Variants in GPR174 observed in about 807,000 individuals in gnomAD.
The protein encoded by GPR174 is G protein-coupled receptor 174.
A neutral mutation model predicts 16.5 loss-of-function variants in GPR174; 8 were observed. The observed-to-expected ratio is 0.48, with a 90% CI of 0.28 to 0.87. The LOEUF is 0.87. Ranked by LOEUF, GPR174 falls within the 40% of genes least tolerant of loss-of-function variation. The pLI is 0.09. For synonymous variants in GPR174, 111 were observed against 94.8 expected (o/e 1.17, Z -0.99); for missense variants, 214 against 247.5 (o/e 0.86, Z 0.91).
At chrX:79,158,675 C>T (rs749349316) in intron 2 of GPR174, among the ~76,000 whole-genome samples, 30 of 106,381 alleles carry the variant, frequency 2.8e-4, no homozygotes, top group Non-Finnish European at 5.2e-4. Flanking sequence ...ATCTCTTGAC[C>T]TCGTGATCCA....
chrX:79,170,344 A>T (rs1157987345), intron 2 of GPR174, 108 bp from the exon 3 acceptor site: 1 of 108,751 alleles, frequency 9.2e-6, no homozygotes, highest in African/African-American at 3.3e-5. Context: ...CCCTTCCCTT[A>T]CTTAAGAATT....
Position 79,153,183 on chromosome X carries a change from A to T in GPR174, c.-653-3639A>T. 3.6e-5 allele frequency among the ~76,000 whole-genome samples: 4 copies of T among 112,210 alleles called. No individual in the cohort carries two copies. In the Middle Eastern group the frequency reaches 0.018, roughly 517 times the overall value. On this transcript the variant is annotated intron_variant, in intron 1 of 2. Transcript: ENST00000645147. ...CTAAATATATGGCAGCTTTCTACAA[A>T]GCTTAGCATTTGACCTGCCCAATTT...
In GPR174 at chrX:79,145,040, TTC is replaced by T. The variant is rs1408646194; in HGVS notation, c.-829_-828del. 1.0e-5 allele frequency: 1 copy of T among 99,825 alleles called. No homozygotes were observed. Among genetic ancestry groups the T allele is most frequent in the East Asian group, 3.0e-4 (1 of 3,324 alleles). 8.2% of individuals were successfully genotyped at this position (99,825 alleles called of 1,213,427 possible). A position where few individuals can be genotyped will look rare whatever the true frequency, so the allele number is the denominator to read the frequency against. On this transcript the variant is annotated 5_prime_UTR_variant, in exon 1 of 3. Transcript: ENST00000645147. The stretch of plus-strand genomic sequence containing the variant: ...TTTCTTTCTTTCTTTCTTTCTTTCT[TTC>T]TTTCTTTCTTTCTTTCTTTCTTTTT...
chrX:79,169,755 C>T (rs1921463155), intron 2 of GPR174, among the ~76,000 whole-genome samples: 1 of 111,842 alleles, frequency 8.9e-6, no homozygotes, highest in Non-Finnish European at 1.9e-5. Context: ...GCTGAGTCAA[C>T]TTTCTATGGA....
chrX:79,170,490 A>T lies in GPR174; in HGVS notation c.-518A>T, dbSNP rs1489369142. 9.2e-6 allele frequency: 1 copy of T among 108,803 alleles called. No individual in the cohort carries two copies. Among genetic ancestry groups the T allele is most frequent in the Non-Finnish European group, 1.9e-5 (1 of 52,652 alleles). 9.0% of individuals were successfully genotyped at this position (108,803 alleles called of 1,213,427 possible). On this transcript the variant is annotated 5_prime_UTR_variant, in exon 3 of 3. Transcript: ENST00000645147. The stretch of plus-strand genomic sequence containing the variant: ...TCCTACTTTTTAGCTTTTGACCTAT[A>T]GCTGAAAAAGTCCCAGAAAGCTGAT...
At chrX:79,147,462 G>A (rs1404878937) in intron 1 of GPR174, among the ~76,000 whole-genome samples, 1 of 103,830 alleles carries the variant, frequency 9.6e-6, no homozygotes, top group Non-Finnish European at 2.0e-5. Flanking sequence ...CTTTACCACT[G>A]TTTCCTTCCA....
Position 79,174,046 on chromosome X carries a change from ATTGAT to A in GPR174, c.*2045_*2049del, listed in dbSNP as rs1287960422. On this transcript the variant is annotated 3_prime_UTR_variant, in exon 3 of 3. Transcript: ENST00000645147. ...CTTCCTAAGGTCACTTTGGAAGATG[ATTGAT>A]TTGATTTAATTAACATATTGATTTC... The A allele has an allele frequency of 9.0e-6, 1 of 111,181 alleles. No individual in the cohort carries two copies. Among genetic ancestry groups the A allele is most frequent in the Non-Finnish European group, 1.9e-5 (1 of 53,039 alleles). The allele number at this position is 111,181 out of a possible 1,213,427, so 9.2% of individuals were successfully genotyped here. A position where few individuals can be genotyped will look rare whatever the true frequency, so the allele number is the denominator to read the frequency against.
chrX:79,158,442 CTTTTTCTTT>C (rs1341497278), intron 2 of GPR174, among the ~76,000 whole-genome samples: 7 of 73,942 alleles, frequency 9.5e-5, no homozygotes, highest in African/African-American at 3.3e-4. Context: ...TTCTTTCTTT[CTTTTTCTTT>C]TTTTTTTTTT....
At chrX:79,146,230 C>T (rs1926497702) in intron 1 of GPR174, among the ~76,000 whole-genome samples, 1 of 111,458 alleles carries the variant, frequency 9.0e-6, no homozygotes, top group African/African-American at 3.3e-5. Flanking sequence ...ACAATATGAC[C>T]CAGGATTAAA....
intron 1 of GPR174, among the ~76,000 whole-genome samples, chrX:79,153,000 G>T (rs928185943): frequency 8.9e-6 from 1 of 112,022 alleles, no homozygotes; most frequent in Non-Finnish European, 1.9e-5. Flanking sequence ...GGTTAAGCTT[G>T]CAGATTGAAG....
At chrX:79,154,526 C>T (rs1921051409) in intron 1 of GPR174, among the ~76,000 whole-genome samples, 1 of 111,394 alleles carries the variant, frequency 9.0e-6, no homozygotes, top group African/African-American at 3.3e-5. Flanking sequence ...GGAGCCCAAG[C>T]AGTTAAACTT....
At chrX:79,169,525 AAAT>A (rs1360964025) in intron 2 of GPR174, among the ~76,000 whole-genome samples, 3 of 111,816 alleles carry the variant, frequency 2.7e-5, no homozygotes, top group African/African-American at 9.8e-5. Context: ...AATTGAAGTA[AAAT>A]AATAATAATT....
At chrX:79,166,883 G>A (rs923721130) in intron 2 of GPR174, among the ~76,000 whole-genome samples, 6 of 111,779 alleles carry the variant, frequency 5.4e-5, no homozygotes, top group African/African-American at 2.0e-4. Flanking sequence ...CACTGTCTTT[G>A]CTGGCAAGCT....
chrX:79,149,190 CAT>C, intron 1 of GPR174, among the ~76,000 whole-genome samples: 1 of 111,983 alleles, frequency 8.9e-6, no homozygotes, highest in East Asian at 2.8e-4. Context: ...AGGACTTACT[CAT>C]TTAATTTTCT....
rs1411448267 is a variant in GPR174 at position 79,144,960 on chromosome X, TTCTTTC to T, written c.-903_-898del. 1 of 104,466 alleles carries T rather than the reference TTCTTTC, an allele frequency of 9.6e-6. No individual in the cohort carries two copies. Among genetic ancestry groups the T allele is most frequent in the Non-Finnish European group, 1.9e-5 (1 of 51,428 alleles). 8.6% of individuals were successfully genotyped at this position (104,466 alleles called of 1,213,427 possible). On this transcript the variant is annotated 5_prime_UTR_variant, in exon 1 of 3. Coordinates refer to ENST00000645147, the MANE Select transcript of GPR174 (RefSeq NM_032553.3). ...CTTTTCTTTCTTTCTTTTTCTTTCT[TTCTTTC>T]TCTTTCTTTCTTTTTCTTTCTTTCT...
chrX:79,165,101 T>A (rs1921326517), intron 2 of GPR174, among the ~76,000 whole-genome samples: 1 of 111,083 alleles, frequency 9.0e-6, no homozygotes, highest in Admixed American at 9.6e-5. Context: ...ATATTTAAAT[T>A]TTTAAATTTT....
At chrX:79,153,719 T>C (rs1274814965) in intron 1 of GPR174, among the ~76,000 whole-genome samples, 1 of 111,873 alleles carries the variant, frequency 8.9e-6, no homozygotes, top group Non-Finnish European at 1.9e-5. Context: ...ATTTAGATAG[T>C]CTGACCATAT....
intron 1 of GPR174, among the ~76,000 whole-genome samples, chrX:79,145,720 A>G (rs1051796340): frequency 2.7e-5 from 3 of 111,952 alleles, no homozygotes; most frequent in Non-Finnish European, 5.6e-5. Flanking sequence ...ACCTTAGCTA[A>G]TATAAATGCA....
At chrX:79,152,165 A>G (rs192604585) in intron 1 of GPR174, among the ~76,000 whole-genome samples, 332 of 111,711 alleles carry the variant, frequency 3.0e-3, no homozygotes, top group African/African-American at 0.01. Flanking sequence ...ACAGGTCTGC[A>G]ACAATAGATT....
Sources: allele counts gnomAD v4.1 joint callset (sites outside exome capture counted in the v4.1 genomes callset), GRCh38; gene constraint gnomAD v4.1.1; transcripts MANE v1.5; gene names NCBI Gene and HGNC (gene_info 2026-07-23, HGNC 2026-07-21).